RFX5: variants seen among roughly 807,000 people sequenced by gnomAD.
The protein encoded by RFX5 is regulatory factor X5, also known as DNA-binding protein RFX5.
A neutral mutation model predicts 41.2 loss-of-function variants in RFX5; 30 were observed. That is an observed-to-expected ratio of 0.73 (90% confidence interval 0.54 to 0.99). The LOEUF (loss-of-function observed/expected upper bound fraction) is 0.99. Ranked by LOEUF, RFX5 falls within the 50% of genes least tolerant of loss-of-function variation. The pLI is 0.00. For synonymous variants in RFX5, 231 were observed against 291.8 expected, an observed-to-expected ratio of 0.79 and a Z score of 2.12; for missense variants, 715 against 773.6, an observed-to-expected ratio of 0.92 and a Z score of 0.90.
At position 151,342,749 on chromosome 1, in the gene RFX5, C is replaced by T. The variant is rs1311690166; in HGVS notation, c.1288G>A (p.Val430Ile). Residue 430 changes from valine to isoleucine, a missense_variant, in exon 11 of 11, where the codon GTC becomes ATC. Physicochemically the swap from Val to Ile is conservative, Grantham distance 29 (BLOSUM62 3). Transcript: ENST00000452671. ...ACAGGTACTTCAGCTGTCCTCTTGA[C>T]ACCCTTGTCATGTGGTCCTTGGTCA... ...GGDQGPHDKG[V>I]KRTAEVPVSE... 1 of 1,614,200 alleles carries T rather than the reference C, an allele frequency of 6.2e-7. No individual in the cohort carries two copies. The highest frequency in any genetic ancestry group is 2.2e-5 in the East Asian group (1 of 44,894).
intron 9 of RFX5, 74 bp downstream of exon 9, chr1:151,343,602 CTCTAT>C: frequency 6.6e-7 from 1 of 1,510,178 alleles, no homozygotes; most frequent in Non-Finnish European, 9.1e-7. Flanking sequence ...TCCAAGGTGT[CTCTAT>C]TCTAGTGTGT....
intron 8 of RFX5, 37 bp downstream of exon 8, chr1:151,344,160 A>C: frequency 1.3e-6 from 2 of 1,599,194 alleles, no homozygotes; most frequent in Non-Finnish European, 1.7e-6. Context: ...TTTACCTGGG[A>C]GAGAAGAGTG....
rs1364110703 is a variant in RFX5 at position 151,346,609 on chromosome 1, G to A, written c.-131-3C>T. 2.5e-6 allele frequency: 1 copy of A among 405,006 alleles called. No homozygotes were observed. Among genetic ancestry groups the A allele is most frequent in the Admixed American group, 3.8e-5 (1 of 26,510 alleles). 25.1% of individuals were successfully genotyped at this position (405,006 alleles called of 1,614,324 possible). On this transcript the variant is annotated splice_polypyrimidine_tract_variant and splice_region_variant and intron_variant, in intron 1 of 10. Transcript: ENST00000452671. ...TGAAGTCTCCTAAATCTGGAAAACT[G>A]TAAAGGAAGAGATAGGGGGATTGGG... is the stretch of plus-strand genomic sequence containing the variant.
rs770527386 is a variant in RFX5 at position 151,345,948 on chromosome 1, T to G, written c.130A>C (p.Asn44His). Reference protein sequence around the residue: ...LRGTISKAVQNKVEGILQDVQ... With the variant: ...LRGTISKAVQHKVEGILQDVQ... The stretch of plus-strand genomic sequence containing the variant: ...CTTACCAGGATCCCCTCTACTTTGT[T>G]CTGCACGGCCTTGCTGTGGGGAAGA... The change falls in exon 4 of 11, where the codon AAC becomes CAC. Residue 44 changes from asparagine (N) to histidine (H), a missense_variant. Physicochemically the swap from Asn to His is moderately conservative, Grantham distance 68. Transcript: ENST00000452671. 7 of 1,614,084 alleles carry G rather than the reference T, an allele frequency of 4.3e-6. No homozygotes were observed. The African/African-American group carries it at 9.3e-5, about 22-fold the overall frequency.
intron 9 of RFX5, 29 bp downstream of exon 9, chr1:151,343,652 T>G (rs749247532): frequency 1.2e-6 from 2 of 1,608,854 alleles, no homozygotes; most frequent in Non-Finnish European, 1.7e-6. Flanking sequence ...GGCTCAGGGT[T>G]GCTGAGACAT....
At chr1:151,345,481 G>A (rs1236124784) in intron 4 of RFX5, 4 of 375,470 alleles carry the variant, frequency 1.1e-5, no homozygotes, top group African/African-American at 4.2e-5. Flanking sequence ...GTGTGGTGAC[G>A]GGCGCCTGTA....
In RFX5 at chr1:151,342,548, T is replaced by C. The variant is rs760183324; in HGVS notation, c.1489A>G (p.Arg497Gly). ...AAAMESAQSS[R>G]LPWETWGSGG... ...GAGCCCCATGTCTCCCATGGTAACC[T>C]TGAGGACTGGGCAGATTCCATGGCA... The change falls in exon 11 of 11, where the codon AGG (arginine) becomes GGG (glycine). Residue 497 changes from arginine (R) to glycine (G), a missense_variant. Coordinates refer to ENST00000452671, the MANE Select transcript of RFX5 (RefSeq NM_001025603.2). 1.9e-6 allele frequency: 3 copies of C among 1,614,032 alleles called. No homozygotes were observed. Among genetic ancestry groups the C allele is most frequent in the South Asian group, 2.2e-5 (2 of 91,090 alleles).
At position 151,344,271 on chromosome 1, in the gene RFX5, AG is replaced by A; in HGVS notation, c.480del (p.Tyr161ThrfsTer4). On this transcript the variant is annotated frameshift_variant, in exon 8 of 11. Coordinates refer to ENST00000452671, the MANE Select transcript of RFX5 (RefSeq NM_001025603.2). LOFTEE classifies it high-confidence loss of function. ...AAGGTCTTCCTCCTTATGCCACTGT[AG>A]CAATATCTGATGCAAGTTAAAGAGC... ...RLGGRGQSKY[C>X]YSGIRRKTLV... 1.2e-6 allele frequency: 2 copies of A among 1,614,182 alleles called. No individual in the cohort carries two copies. The highest frequency in any genetic ancestry group is 1.7e-6 in the Non-Finnish European group (2 of 1,180,020).
intron 4 of RFX5, 167 bp from the exon 5 acceptor site, chr1:151,345,355 A>G (rs530964476): frequency 2.7e-5 from 16 of 585,342 alleles, no homozygotes; most frequent in Non-Finnish European, 4.7e-5. Flanking sequence ...CACGCCTACA[A>G]TCCCAGCACT....
chr1:151,341,491 T>C lies in RFX5; in HGVS notation c.*695A>G, dbSNP rs1650444960. On this transcript the variant is annotated 3_prime_UTR_variant, in exon 11 of 11. Coordinates refer to ENST00000452671, the MANE Select transcript of RFX5 (RefSeq NM_001025603.2). ...CCCACCCTTTTCCCCAAAGGTGTTG[T>C]CCATGATATAGAATAAGCAAATTAG... is the stretch of plus-strand genomic sequence containing the variant. 6.4e-6 allele frequency: 1 copy of C among 155,256 alleles called. No homozygotes were observed. The highest frequency in any genetic ancestry group is 2.4e-5 in the African/African-American group (1 of 41,462). 9.6% of individuals were successfully genotyped at this position (155,256 alleles called of 1,614,324 possible).
chr1:151,344,145 T>G lies in RFX5; in HGVS notation c.555+52A>C, dbSNP rs1030295856. 3.2e-6 allele frequency: 5 copies of G among 1,581,170 alleles called. No homozygotes were observed. In the African/African-American group the frequency reaches 6.7e-5, roughly 21 times the overall value. On this transcript the variant is annotated intron_variant, in intron 8 of 10. Coordinates refer to ENST00000452671, the MANE Select transcript of RFX5 (RefSeq NM_001025603.2). Reference sequence around the variant, plus strand: ...CCTCAAAACATGCCCCAAAGACCTCTGACTTTTACCTGGGAGAGAAGAGTG... The same window carrying G: ...CCTCAAAACATGCCCCAAAGACCTCGGACTTTTACCTGGGAGAGAAGAGTG...
chr1:151,346,093 C>T, intron 3 of RFX5, 112 bp downstream of exon 3: 1 of 1,558,628 alleles, frequency 6.4e-7, no homozygotes, highest in South Asian at 1.1e-5. Flanking sequence ...CAAAAATCTC[C>T]CTCTGCTCCC....
chr1:151,346,884 C>A (rs572251787), intron 1 of RFX5: 3 of 155,296 alleles, frequency 1.9e-5, no homozygotes, highest in Admixed American at 6.4e-5. Flanking sequence ...CCCCTCCCCA[C>A]GTCGCCGGCC....
In RFX5 at chr1:151,344,441, C is replaced by T. The variant is rs1341725490; in HGVS notation, c.449G>A (p.Arg150Lys). ...REIFPDIKARRLGGRGQSKYC... is the reference protein window; with the variant it reads ...REIFPDIKARKLGGRGQSKYC... ...CTTGGACTGGCCCCGGCCACCAAGCCTTCGAGCTTTGATGTCAGGGAAGAT... is the reference window on the plus strand; with the variant it reads ...CTTGGACTGGCCCCGGCCACCAAGCTTTCGAGCTTTGATGTCAGGGAAGAT... Residue 150 changes from arginine (R) to lysine (K), a missense_variant, in exon 7 of 11, where the codon AGG becomes AAG. Transcript: ENST00000452671. The T allele has an allele frequency of 4.3e-6, 7 of 1,614,228 alleles. No individual in the cohort carries two copies. The highest frequency in any genetic ancestry group is 3.3e-5 in the Admixed American group (2 of 60,026).
In RFX5 at chr1:151,345,979, A is replaced by G. The variant is rs368844353; in HGVS notation, c.117-18T>C. On this transcript the variant is annotated intron_variant, in intron 3 of 10. Coordinates refer to ENST00000452671, the MANE Select transcript of RFX5 (RefSeq NM_001025603.2). ...CGGCCTTGCTGTGGGGAAGAGGAGAAAGCTGGAGGTCACACACAAGATTTT... is the reference window on the plus strand; with the variant it reads ...CGGCCTTGCTGTGGGGAAGAGGAGAGAGCTGGAGGTCACACACAAGATTTT... The G allele has an allele frequency of 6.8e-6, 11 of 1,613,998 alleles. No homozygotes were observed. The African/African-American group carries it at 1.5e-4, about 22-fold the overall frequency.
At position 151,344,670 on chromosome 1, in the gene RFX5, G is replaced by T. The variant is rs2233850; in HGVS notation, c.353+58C>A. On this transcript the variant is annotated intron_variant, in intron 6 of 10. Transcript: ENST00000452671. ...TTATCAAGGCAGGAAGCTCTTCATG[G>T]GTGAGGGGGTCCTATGCCCACCAAT... is the stretch of plus-strand genomic sequence containing the variant. The T allele has an allele frequency of 1.1e-3, 1,712 of 1,556,738 alleles. 13 individuals carry two copies. In the African/African-American group the frequency reaches 0.02, roughly 18 times the overall value.
At position 151,342,090 on chromosome 1, in the gene RFX5, G is replaced by A. The variant is rs1557829265; in HGVS notation, c.*96C>T. 6.4e-7 allele frequency: 1 copy of A among 1,567,172 alleles called. No individual in the cohort carries two copies. The highest frequency in any genetic ancestry group is 8.8e-7 in the Non-Finnish European group (1 of 1,138,530). ...GTACAGAGGAGAATGGACTTCCTTA[G>A]GAAAAGAATAGCCAAATGAGAAGCA... On this transcript the variant is annotated 3_prime_UTR_variant, in exon 11 of 11. Transcript: ENST00000452671.
At position 151,342,043 on chromosome 1, in the gene RFX5, A is replaced by T; in HGVS notation, c.*143T>A. The stretch of plus-strand genomic sequence containing the variant: ...CAGAGGCAGCAACCAGGTACTAAGT[A>T]GACTGGGTGACTCAGCTGTCTGTAC... On this transcript the variant is annotated 3_prime_UTR_variant, in exon 11 of 11. Transcript: ENST00000452671. 1 of 1,176,588 alleles carries T rather than the reference A, an allele frequency of 8.5e-7. No individual in the cohort carries two copies. The highest frequency in any genetic ancestry group is 1.3e-6 in the Non-Finnish European group (1 of 795,298). The allele number at this position is 1,176,588 out of a possible 1,614,324, so 72.9% of individuals were successfully genotyped here. A position where few individuals can be genotyped will look rare whatever the true frequency, so the allele number is the denominator to read the frequency against.
chr1:151,343,559 G>A, intron 9 of RFX5, 117 bp from the exon 10 acceptor site: 1 of 1,407,448 alleles, frequency 7.1e-7, no homozygotes, highest in South Asian at 1.2e-5. Flanking sequence ...GCTAAAGCAT[G>A]TCTTAGAAGG....
Sources: gnomAD v4.1 joint callset for allele counts on GRCh38, gnomAD v4.1.1 for gene constraint, MANE v1.5 for transcripts, NCBI Gene and HGNC (gene_info 2026-07-23, HGNC 2026-07-21) for gene names.